Variants in TENM4 observed in about 807,000 individuals in gnomAD.
TENM4 encodes teneurin transmembrane protein 4.
TENM4 carries 82 observed loss-of-function variants against 243.3 expected under a neutral mutation model. The ratio of observed to expected loss-of-function variants is 0.34; its 90% CI spans 0.28 to 0.40. The LOEUF is 0.40. Ranked by LOEUF, TENM4 falls within the 10% of genes least tolerant of loss-of-function variation. The pLI, the probability that TENM4 is intolerant of heterozygous loss-of-function variation, is 1.00. For synonymous variants in TENM4, 1,412 were observed against 1,456.3 expected, an observed-to-expected ratio of 0.97 and a Z score of 0.69; for missense variants, 3,138 against 3,673.3, an observed-to-expected ratio of 0.85 and a Z score of 3.77.
chr11:79,147,658 A>G (rs780016760), intron 4 of TENM4, among the ~76,000 whole-genome samples: 2 of 152,030 alleles, frequency 1.3e-5, no homozygotes, highest in Non-Finnish European at 2.9e-5. Flanking sequence ...TAATCATACT[A>G]GCAACTGCCA....
In TENM4 at chr11:79,011,608, C is replaced by G. The variant is rs571060418; in HGVS notation, c.493+53130G>C. Among the ~76,000 whole-genome samples the G allele has an allele frequency of 2.0e-5, 3 of 152,338 alleles. No homozygotes were observed. The South Asian group carries it at 6.2e-4, about 32-fold the overall frequency. On this transcript the variant is annotated intron_variant, in intron 6 of 33. Transcript: ENST00000278550. ...ACTCTTCCTCCTCTCCAGGAACTGG[C>G]TGCTGGTTGGAACCCCAACAGGGGT...
At chr11:78,868,366 GA>G in intron 9 of TENM4, among the ~76,000 whole-genome samples, 1 of 152,274 alleles carries the variant, frequency 6.6e-6, no homozygotes, top group South Asian at 2.1e-4. Flanking sequence ...GTGAAAAGGT[GA>G]AAAGATGCTA....
chr11:78,859,331 A>C (rs1025795516), intron 10 of TENM4, among the ~76,000 whole-genome samples: 1 of 152,248 alleles, frequency 6.6e-6, no homozygotes, highest in African/African-American at 2.4e-5. Flanking sequence ...GAGACTTAAC[A>C]AACACTGCAA....
At chr11:78,760,586 G>A (rs2135964384) in intron 18 of TENM4, among the ~76,000 whole-genome samples, 1 of 152,340 alleles carries the variant, frequency 6.6e-6, no homozygotes, top group South Asian at 2.1e-4. Flanking sequence ...CTGACTGCAA[G>A]CATGGGACCC....
chr11:78,848,003 G>T (rs1858441749), intron 12 of TENM4, among the ~76,000 whole-genome samples: 1 of 152,166 alleles, frequency 6.6e-6, no homozygotes, highest in Non-Finnish European at 1.5e-5. Flanking sequence ...CCCAATTTTG[G>T]TGACTCTTGG....
intron 6 of TENM4, among the ~76,000 whole-genome samples, chr11:79,024,270 T>C (rs1859015802): frequency 6.6e-6 from 1 of 152,154 alleles, no homozygotes; most frequent in African/African-American, 2.4e-5. Context: ...GAATGAAAAG[T>C]GATTGGCCTG....
chr11:79,206,975 C>T (rs572990859), intron 3 of TENM4, among the ~76,000 whole-genome samples: 24 of 152,226 alleles, frequency 1.6e-4, no homozygotes, highest in Middle Eastern at 6.8e-3. Flanking sequence ...TGGGGGCCTT[C>T]GTGGTGCTCA....
In TENM4 at chr11:79,383,116, A is replaced by T. The variant is rs12361288; in HGVS notation, c.-321+57393T>A. On this transcript the variant is annotated intron_variant, in intron 1 of 33. Transcript: ENST00000278550. ...CCCAGGAGGCTGGTCAAGTAGGTGT[A>T]CCCTCTGAGTCCCCTTTCTGGCCAC... Among the ~76,000 whole-genome samples, 671 of 152,048 alleles carry T rather than the reference A, an allele frequency of 4.4e-3. 6 individuals are homozygous for T. Among genetic ancestry groups the T allele is most frequent in the South Asian group, 0.018 (88 of 4,818 alleles).
intron 6 of TENM4, among the ~76,000 whole-genome samples, chr11:78,917,306 AGAGC>A (rs1228429070): frequency 6.6e-6 from 1 of 152,202 alleles, no homozygotes; most frequent in Non-Finnish European, 1.5e-5. Context: ...CCTTCACCGA[AGAGC>A]GGCCATCCAA....
chr11:78,891,422 G>T, intron 7 of TENM4, 86 bp from the exon 8 acceptor site: 2 of 1,256,524 alleles, frequency 1.6e-6, no homozygotes, highest in Non-Finnish European at 2.3e-6. Flanking sequence ...GTGGCTGTTT[G>T]GTGCAGCTGT....
chr11:78,706,719 A>G (rs1340766639), intron 27 of TENM4, among the ~76,000 whole-genome samples: 1 of 152,160 alleles, frequency 6.6e-6, no homozygotes, highest in African/African-American at 2.4e-5. Flanking sequence ...ACCTCTATCT[A>G]AAGTTAAACA....
chr11:79,002,078 G>A (rs1858343807), intron 6 of TENM4, among the ~76,000 whole-genome samples: 2 of 151,622 alleles, frequency 1.3e-5, no homozygotes, highest in African/African-American at 4.9e-5. Flanking sequence ...TAGCTGGCAT[G>A]AGCACACCCT....
intron 12 of TENM4, among the ~76,000 whole-genome samples, chr11:78,830,628 A>G (rs1857959535): frequency 6.6e-6 from 1 of 152,186 alleles, no homozygotes; most frequent in South Asian, 2.1e-4. Flanking sequence ...TGCTCGGGTC[A>G]TCTGATGGCT....
intron 1 of TENM4, among the ~76,000 whole-genome samples, chr11:79,400,125 AC>A (rs1858429170): frequency 6.6e-6 from 1 of 151,072 alleles, no homozygotes; most frequent in South Asian, 2.1e-4. Flanking sequence ...ACACACACAC[AC>A]ACACACACAC....
intron 6 of TENM4, among the ~76,000 whole-genome samples, chr11:78,911,570 C>A (rs937578353): frequency 6.6e-5 from 10 of 152,264 alleles, no homozygotes; most frequent in African/African-American, 2.2e-4. Context: ...ACATAATATC[C>A]AATTCATATA....
At position 79,076,619 on chromosome 11, in the gene TENM4, T is replaced by A. The variant is rs1433384015; in HGVS notation, c.-65-6610A>T. 2.0e-5 allele frequency among the ~76,000 whole-genome samples: 3 copies of A among 152,110 alleles called. No homozygotes were observed. In the East Asian group the frequency reaches 5.8e-4, roughly 29 times the overall value. ...TGGGTGGGGACACAGCCAAACCATA[T>A]CAGTATTTTTTTTGTTTTTGTCTTT... is the stretch of plus-strand genomic sequence containing the variant. On this transcript the variant is annotated intron_variant, in intron 4 of 33. Coordinates refer to ENST00000278550, the MANE Select transcript of TENM4 (RefSeq NM_001098816.3).
chr11:78,910,028 G>T (rs1454037744), intron 6 of TENM4, among the ~76,000 whole-genome samples: 2 of 152,222 alleles, frequency 1.3e-5, no homozygotes, highest in East Asian at 3.9e-4. Flanking sequence ...AAAGATTCCA[G>T]TGGAGTCTAC....
intron 1 of TENM4, among the ~76,000 whole-genome samples, chr11:79,391,086 G>A (rs1417346144): frequency 1.3e-5 from 2 of 152,148 alleles, no homozygotes; most frequent in African/African-American, 4.8e-5. Flanking sequence ...GCCCGGCTCT[G>A]CCACTTACTA....
chr11:78,743,797 A>G (rs1045960327), intron 19 of TENM4, among the ~76,000 whole-genome samples: 4 of 152,210 alleles, frequency 2.6e-5, no homozygotes, highest in African/African-American at 7.2e-5. Context: ...AGGAAGGCAA[A>G]GGGAGAAAAA....
Sources: allele counts gnomAD v4.1 joint callset (sites outside exome capture counted in the v4.1 genomes callset), GRCh38; gene constraint gnomAD v4.1.1; transcripts MANE v1.5; gene names NCBI Gene and HGNC (gene_info 2026-07-23, HGNC 2026-07-21).